The following ZRANB3 variants were observed in gnomAD, a reference collection of about 807,000 sequenced individuals.
The protein encoded by ZRANB3 is DNA annealing helicase and endonuclease ZRANB3.
A neutral mutation model predicts 133.8 loss-of-function variants in ZRANB3; 125 were observed. That is an observed-to-expected ratio of 0.93 (90% CI 0.81 to 1.08). The LOEUF (loss-of-function observed/expected upper bound fraction) is 1.08, where lower values mean the gene tolerates loss of function less well. Among genes scored for constraint, ZRANB3 ranks in the 50% least tolerant of loss-of-function variants. The pLI is 0.00. For missense variants in ZRANB3, 1,229 were observed against 1,275.5 expected (o/e 0.96, Z 0.56); for synonymous variants, 387 against 432.7 (o/e 0.89, Z 1.31).
chr2:135,313,310 G>A (rs1468857876), intron 8 of ZRANB3, among the ~76,000 whole-genome samples, 179 bp downstream of exon 8: 5 of 145,984 alleles, frequency 3.4e-5, no homozygotes, highest in South Asian at 2.2e-4. Context: ...CCGAGATCAC[G>A]CCACTGCATT....
intron 7 of ZRANB3, among the ~76,000 whole-genome samples, chr2:135,314,752 C>CTTT (rs11305622): frequency 7.0e-6 from 1 of 143,650 alleles, no homozygotes; most frequent in South Asian, 2.2e-4. Context: ...ATTTAGAATT[C>CTTT]TTTTTTTTTT....
intron 3 of ZRANB3, among the ~76,000 whole-genome samples, chr2:135,363,106 A>G (rs1473742662): frequency 6.6e-6 from 1 of 152,252 alleles, no homozygotes; most frequent in Non-Finnish European, 1.5e-5. Flanking sequence ...ACACTTCAAA[A>G]GTAGTAGACA....
intron 15 of ZRANB3, among the ~76,000 whole-genome samples, chr2:135,219,407 T>C (rs1694444003): frequency 6.6e-6 from 1 of 152,236 alleles, no homozygotes; most frequent in South Asian, 2.1e-4. Flanking sequence ...TGCCCATGCC[T>C]AGCCCAAGGC....
At chr2:135,436,764 T>G (rs1349733855) in intron 2 of ZRANB3, among the ~76,000 whole-genome samples, 2 of 152,062 alleles carry the variant, frequency 1.3e-5, no homozygotes, top group African/African-American at 4.8e-5. Flanking sequence ...AAAAAACTAT[T>G]TTAAAATTGA....
chr2:135,368,467 T>C (rs1019852108), intron 3 of ZRANB3, among the ~76,000 whole-genome samples: 1 of 152,030 alleles, frequency 6.6e-6, no homozygotes, highest in Non-Finnish European at 1.5e-5. Context: ...AAATTCATGG[T>C]TAACATCATG....
chr2:135,451,526 C>T (rs1574124466), intron 2 of ZRANB3, among the ~76,000 whole-genome samples: 1 of 151,834 alleles, frequency 6.6e-6, no homozygotes, highest in Non-Finnish European at 1.5e-5. Flanking sequence ...CACACCACTG[C>T]ACTCCAGCCT....
chr2:135,392,969 C>T (rs1430112653), intron 2 of ZRANB3, among the ~76,000 whole-genome samples: 1 of 151,808 alleles, frequency 6.6e-6, no homozygotes, highest in East Asian at 1.9e-4. Flanking sequence ...GCCTTGACCT[C>T]TAATGATCCT....
chr2:135,324,997 C>A (rs1302547615), intron 6 of ZRANB3, among the ~76,000 whole-genome samples: 1 of 151,972 alleles, frequency 6.6e-6, no homozygotes, highest in Non-Finnish European at 1.5e-5. Flanking sequence ...TGTAGGATTT[C>A]TTTTTTAATT....
chr2:135,295,116 C>T (rs1383103911), intron 8 of ZRANB3, among the ~76,000 whole-genome samples: 4 of 151,850 alleles, frequency 2.6e-5, no homozygotes, highest in Admixed American at 6.6e-5. Context: ...ATTAGGTCCA[C>T]TTGGTGCAGA....
intron 12 of ZRANB3, among the ~76,000 whole-genome samples, chr2:135,255,223 A>C (rs1247433149): frequency 6.6e-6 from 1 of 152,014 alleles, no homozygotes; most frequent in Non-Finnish European, 1.5e-5. Context: ...AACTGAACTT[A>C]AAAACAGGCC....
intron 12 of ZRANB3, among the ~76,000 whole-genome samples, chr2:135,263,167 TTA>T (rs1313352813): frequency 6.6e-6 from 1 of 152,196 alleles, no homozygotes; most frequent in Non-Finnish European, 1.5e-5. Context: ...CAATGTGTGT[TTA>T]TGTTTTACTA....
At chr2:135,391,794 T>C (rs556044184) in intron 2 of ZRANB3, among the ~76,000 whole-genome samples, 11 of 152,258 alleles carry the variant, frequency 7.2e-5, no homozygotes, top group Non-Finnish European at 1.2e-4. Context: ...TTAGCTAGGA[T>C]GGTCTCGATC....
At chr2:135,500,925 G>C (rs1692913875) in intron 2 of ZRANB3, among the ~76,000 whole-genome samples, 1 of 151,936 alleles carries the variant, frequency 6.6e-6, no homozygotes, top group African/African-American at 2.4e-5. Context: ...GAAGTAAAAA[G>C]GTCAAGTATA....
intron 1 of ZRANB3, among the ~76,000 whole-genome samples, chr2:135,515,006 A>G (rs2104835264): frequency 6.6e-6 from 1 of 152,208 alleles, no homozygotes; most frequent in South Asian, 2.1e-4. Context: ...TTGGTGGATA[A>G]GCTTTGTGAT....
At chr2:135,505,391 T>C (rs1693129254) in intron 1 of ZRANB3, among the ~76,000 whole-genome samples, 1 of 152,050 alleles carries the variant, frequency 6.6e-6, no homozygotes. Context: ...CTGGCCAATA[T>C]GTTGAAACCC....
intron 2 of ZRANB3, among the ~76,000 whole-genome samples, chr2:135,400,153 T>A (rs1012134379): frequency 6.6e-6 from 1 of 151,834 alleles, no homozygotes; most frequent in African/African-American, 2.4e-5. Flanking sequence ...GGCAGAAGAA[T>A]TGCTTGAATC....
intron 12 of ZRANB3, among the ~76,000 whole-genome samples, chr2:135,252,064 A>G (rs1679427666): frequency 6.6e-6 from 1 of 152,126 alleles, no homozygotes; most frequent in African/African-American, 2.4e-5. Flanking sequence ...CAAACAAAAA[A>G]ACCCTCTTTT....
chr2:135,410,321 A>G (rs1688248324), intron 2 of ZRANB3, among the ~76,000 whole-genome samples: 1 of 152,192 alleles, frequency 6.6e-6, no homozygotes, highest in Non-Finnish European at 1.5e-5. Context: ...GAGAGCCCTG[A>G]AATAAGGCCA....
intron 2 of ZRANB3, among the ~76,000 whole-genome samples, chr2:135,445,744 C>T (rs1004522765): frequency 2.1e-4 from 31 of 148,956 alleles, no homozygotes; most frequent in Non-Finnish European, 1.8e-4. Context: ...GGTGCAGTGG[C>T]GGGTGCCTGT....
Sources: gnomAD v4.1 joint callset for allele counts (sites outside exome capture counted in the v4.1 genomes callset) on GRCh38, gnomAD v4.1.1 for gene constraint, MANE v1.5 for transcripts, NCBI Gene and HGNC (gene_info 2026-07-23, HGNC 2026-07-21) for gene names.